WNK2: variants seen among roughly 807,000 people sequenced by gnomAD.
The protein encoded by WNK2 is serine/threonine-protein kinase WNK2.
A neutral mutation model predicts 192.1 loss-of-function variants in WNK2; 67 were observed. That is an observed-to-expected ratio of 0.35 (90% CI 0.29 to 0.43). The LOEUF (loss-of-function observed/expected upper bound fraction) is 0.43. WNK2 is among the 20% of genes least tolerant of loss of function. The pLI is 1.00. For missense variants in WNK2, 2,698 were observed against 3,089.7 expected (o/e 0.87, Z 3.01); for synonymous variants, 1,439 against 1,393.9 (o/e 1.03, Z -0.72).
intron 26 of WNK2, among the ~76,000 whole-genome samples, chr9:93,305,713 G>C (rs1001498880): frequency 2.6e-5 from 4 of 152,238 alleles, no homozygotes; most frequent in African/African-American, 9.6e-5. Flanking sequence ...TCTGGAGAAG[G>C]AAGGCAGACG....
At chr9:93,313,680 T>C (rs1211606653) in intron 28 of WNK2, among the ~76,000 whole-genome samples, 1 of 152,236 alleles carries the variant, frequency 6.6e-6, no homozygotes, top group African/African-American at 2.4e-5. Flanking sequence ...TTATCAGCCG[T>C]CTTTTAAAAA....
At chr9:93,268,515 T>A (rs1243812820) in intron 18 of WNK2, 112 bp from the exon 19 acceptor site, 1 of 1,479,788 alleles carries the variant, frequency 6.8e-7, no homozygotes, top group Non-Finnish European at 9.2e-7. Context: ...ATCCCATAGG[T>A]GTAAAGGAGT....
At chr9:93,235,856 C>T (rs954750625) in intron 5 of WNK2, among the ~76,000 whole-genome samples, 1 of 152,244 alleles carries the variant, frequency 6.6e-6, no homozygotes, top group African/African-American at 2.4e-5. Flanking sequence ...TGGTCCTCAG[C>T]AGCTGCACAG....
At chr9:93,195,571 C>G (rs564471910) in intron 2 of WNK2, among the ~76,000 whole-genome samples, 1 of 151,714 alleles carries the variant, frequency 6.6e-6, no homozygotes, top group Non-Finnish European at 1.5e-5. Flanking sequence ...TGGTGGCGGG[C>G]GCCTATAATC....
chr9:93,266,174 C>G (rs1294183213), intron 16 of WNK2, among the ~76,000 whole-genome samples: 1 of 152,156 alleles, frequency 6.6e-6, no homozygotes, highest in African/African-American at 2.4e-5. Flanking sequence ...GCCTGTGGGA[C>G]AGGCGCTGTT....
chr9:93,262,865 T>C, intron 14 of WNK2, 146 bp downstream of exon 14: 1 of 867,576 alleles, frequency 1.2e-6, no homozygotes, highest in South Asian at 1.5e-5. Flanking sequence ...CCTGACCTGG[T>C]GGAGCCTCAG....
At chr9:93,261,561 G>A (rs116836130) in intron 12 of WNK2, among the ~76,000 whole-genome samples, 4,080 of 152,324 alleles carry the variant, frequency 0.027, 180 homozygotes, top group African/African-American at 0.094. Context: ...GTTCATAGAC[G>A]GAGCCCCGTT....
At chr9:93,219,712 A>C (rs1836473641) in intron 2 of WNK2, among the ~76,000 whole-genome samples, 1 of 152,132 alleles carries the variant, frequency 6.6e-6, no homozygotes, top group South Asian at 2.1e-4. Context: ...GCTTTTATGG[A>C]GCTCTAGGTC....
intron 8 of WNK2, among the ~76,000 whole-genome samples, chr9:93,251,166 A>G (rs2132605293): frequency 6.6e-6 from 1 of 151,998 alleles, no homozygotes; most frequent in South Asian, 2.1e-4. Flanking sequence ...CCCAGGCTGG[A>G]GTGCAGTGGC....
At chr9:93,302,446 C>T (rs1037164961) in intron 26 of WNK2, among the ~76,000 whole-genome samples, 1 of 152,126 alleles carries the variant, frequency 6.6e-6, no homozygotes, top group Non-Finnish European at 1.5e-5. Context: ...CGCAGCCAGC[C>T]CAGCCTTTGC....
chr9:93,194,769 G>T (rs1007754088), intron 2 of WNK2, among the ~76,000 whole-genome samples: 4 of 152,322 alleles, frequency 2.6e-5, no homozygotes, highest in Non-Finnish European at 2.9e-5. Context: ...GTTTATAGCA[G>T]CTTTATTCAT....
intron 19 of WNK2, among the ~76,000 whole-genome samples, chr9:93,283,720 A>G (rs1274138225): frequency 6.6e-6 from 1 of 152,196 alleles, no homozygotes; most frequent in Non-Finnish European, 1.5e-5. Flanking sequence ...GAAAGGTTTC[A>G]TACATCTGGC....
chr9:93,273,327 T>C (rs998119506), intron 19 of WNK2, among the ~76,000 whole-genome samples: 13 of 152,166 alleles, frequency 8.5e-5, no homozygotes, highest in African/African-American at 3.1e-4. Context: ...CCAACTAATT[T>C]TGTATTTTTA....
At chr9:93,188,061 G>T (rs1438718853) in intron 2 of WNK2, among the ~76,000 whole-genome samples, 1 of 152,170 alleles carries the variant, frequency 6.6e-6, no homozygotes, top group Non-Finnish European at 1.5e-5. Flanking sequence ...TGGGCATGGG[G>T]AGGGTTCCTG....
At position 93,231,119 on chromosome 9, in the gene WNK2, TTC is replaced by T; in HGVS notation, c.1075+14_1075+15del. 1 of 1,613,184 alleles carries T rather than the reference TTC, an allele frequency of 6.2e-7. No individual in the cohort carries two copies. ...CCAAAAGTGTGATAGGTAAACCTGC[TTC>T]TCCTCCCCAGGCCCTTGGAGCCCAT... On this transcript the variant is annotated intron_variant, in intron 4 of 29. Coordinates refer to ENST00000427277, the MANE Select transcript of WNK2 (RefSeq NM_006648.4).
In WNK2 at chr9:93,300,053, T is replaced by A; in HGVS notation, c.6118T>A (p.Trp2040Arg). The A allele has an allele frequency of 6.2e-7, 1 of 1,613,254 alleles. No individual in the cohort carries two copies. Residue 2040 changes from tryptophan (W) to arginine (R), a missense_variant and splice_region_variant, in exon 26 of 30, where the codon TGG becomes AGG. Around this residue, in one of 7 missense-constraint regions of WNK2, gnomAD observed 1,098 missense variants for 1,101.0 expected, o/e 1.00. Transcript: ENST00000427277. ...SDGGGARGQGWTVYHPTSERV... is the reference protein window; with the variant it reads ...SDGGGARGQGRTVYHPTSERV... ...CTTCCCTTTATATTCATTTGCAGGC[T>A]GGACGGTTTACCACCCAACGTCTGA...
rs1459796022 is a variant in WNK2, at chr9:93,308,419, G to C, written c.6351G>C (p.Lys2117Asn). Reference sequence around the variant, plus strand: ...CGCAGGTGAACAACAGCAACAACAAGAAGGGTACCTTCACGGACGACCTGC... The same window carrying C: ...CGCAGGTGAACAACAGCAACAACAACAAGGGTACCTTCACGGACGACCTGC... ...VQAQVNNSNNKKGTFTDDLHK... is the reference protein window; with the variant it reads ...VQAQVNNSNNNKGTFTDDLHK... The change falls in exon 28 of 30, where the codon AAG becomes AAC. Residue 2117 changes from lysine to asparagine, a missense_variant. By Grantham distance (94) the Lys-to-Asn change is moderately conservative (BLOSUM62 0). Coordinates refer to ENST00000427277, the MANE Select transcript of WNK2 (RefSeq NM_006648.4). The C allele has an allele frequency of 6.2e-7, 1 of 1,604,084 alleles. No homozygotes were observed. Among genetic ancestry groups the C allele is most frequent in the Non-Finnish European group, 8.5e-7 (1 of 1,176,054 alleles).
At chr9:93,294,599 C>T (rs982610726) in intron 23 of WNK2, among the ~76,000 whole-genome samples, 8 of 152,032 alleles carry the variant, frequency 5.3e-5, no homozygotes, top group Admixed American at 1.3e-4. Flanking sequence ...GTGGCTGCTA[C>T]GAAGAGAAGC....
Position 93,292,707 on chromosome 9 carries a change from T to C in WNK2, c.5242T>C (p.Phe1748Leu). 6.4e-7 allele frequency: 1 copy of C among 1,566,710 alleles called. No homozygotes were observed. The highest frequency in any genetic ancestry group is 8.6e-7 in the Non-Finnish European group (1 of 1,156,864). ...VSSPAKTVGRFSVVSTQDEWT... is the reference protein window; with the variant it reads ...VSSPAKTVGRLSVVSTQDEWT... ...CTCACCAGCCAAGACTGTGGGCCGTTTCTCGGTGGTCAGCACTCAGGACGA... is the reference window on the plus strand; with the variant it reads ...CTCACCAGCCAAGACTGTGGGCCGTCTCTCGGTGGTCAGCACTCAGGACGA... Residue 1748 changes from phenylalanine (F) to leucine (L), a missense_variant, in exon 23 of 30, where the codon TTC (phenylalanine) becomes CTC (leucine). Physicochemically the swap from Phe to Leu is conservative, Grantham distance 22. Transcript: ENST00000427277.
Sources: gnomAD v4.1 joint callset for allele counts (sites outside exome capture counted in the v4.1 genomes callset) on GRCh38, gnomAD v4.1.1 for gene constraint, gnomAD v4.1.1 regional missense constraint, MANE v1.5 for transcripts, NCBI Gene and HGNC (gene_info 2026-07-23, HGNC 2026-07-21) for gene names.